Variants in PTPRT observed in about 807,000 individuals in gnomAD.
PTPRT encodes the protein receptor-type tyrosine-protein phosphatase T.
Under a neutral mutation model 176.8 loss-of-function variants are expected in PTPRT, and 56 were observed. That is an observed-to-expected ratio of 0.32 (90% CI 0.26 to 0.40). The LOEUF (loss-of-function observed/expected upper bound fraction) is 0.40, where lower values mean the gene tolerates loss of function less well. PTPRT is among the 10% of genes least tolerant of loss of function. The pLI is 1.00. For missense variants in PTPRT, 1,540 were observed against 1,908.2 expected (o/e 0.81, Z 3.60); for synonymous variants, 783 against 739.0 (o/e 1.06, Z -0.96).
chr20:43,172,202 T>G (rs2015018162), intron 1 of PTPRT, among the ~76,000 whole-genome samples: 1 of 152,176 alleles, frequency 6.6e-6, no homozygotes, highest in African/African-American at 2.4e-5. Flanking sequence ...TGTTTTCTGT[T>G]AAGATCCGGA....
Position 42,756,569 on chromosome 20 carries a change from G to A in PTPRT, c.752C>T (p.Thr251Ile). 6.2e-7 allele frequency: 1 copy of A among 1,612,886 alleles called. No homozygotes were observed. The highest frequency in any genetic ancestry group is 8.5e-7 in the Non-Finnish European group (1 of 1,179,172). The change falls in exon 6 of 31, where the codon ACA becomes ATA. Residue 251 changes from threonine to isoleucine, a missense_variant. This residue lies in a region of PTPRT where 273 missense variants were observed against 432.1 expected (regional missense o/e 0.63). Transcript: ENST00000373187. ...RVVNHRRFSA[T>I]VSVADTAQRS... ...CTGGGCAGTGTCTGCCACACTGACT[G>A]TGGCTGAGAAGCGCCTGTGGTTGAC...
At chr20:42,767,698 AT>A (rs2077001771) in intron 5 of PTPRT, among the ~76,000 whole-genome samples, 1 of 146,638 alleles carries the variant, frequency 6.8e-6, no homozygotes, top group Non-Finnish European at 1.5e-5. Context: ...TATTTAATAA[AT>A]TTTTATAATA....
chr20:42,674,437 G>C (rs1165607631), intron 7 of PTPRT, among the ~76,000 whole-genome samples: 1 of 152,116 alleles, frequency 6.6e-6, no homozygotes, highest in Admixed American at 6.5e-5. Flanking sequence ...ATCATCTTGC[G>C]ATTGAATTTC....
At chr20:43,145,594 C>T (rs2014145794) in intron 1 of PTPRT, among the ~76,000 whole-genome samples, 1 of 152,156 alleles carries the variant, frequency 6.6e-6, no homozygotes, top group Non-Finnish European at 1.5e-5. Flanking sequence ...AGAAGGAAAG[C>T]CCATTTTCAG....
intron 2 of PTPRT, among the ~76,000 whole-genome samples, chr20:42,847,377 C>T (rs2145746983): frequency 6.6e-6 from 1 of 152,236 alleles, no homozygotes; most frequent in South Asian, 2.1e-4. Flanking sequence ...TTACTCCCCG[C>T]CCCCCTCTGA....
chr20:42,785,189 AG>A, intron 3 of PTPRT, among the ~76,000 whole-genome samples: 1 of 152,232 alleles, frequency 6.6e-6, no homozygotes, highest in Non-Finnish European at 1.5e-5. Flanking sequence ...TCCCAAGAAA[AG>A]GCACATGTCG....
Position 42,483,279 on chromosome 20 carries a change from C to T in PTPRT, c.1154-10717G>A, listed in dbSNP as rs563512632. Among the ~76,000 whole-genome samples the T allele has an allele frequency of 3.8e-3, 575 of 152,304 alleles. 1 individual carries two copies. The highest frequency in any genetic ancestry group is 6.2e-3 in the Non-Finnish European group (424 of 68,022). ...TTCCCAGGTTCAAGGGATTCGCCTG[C>T]CTCTGCCTCCCAAATAGCTGGGATT... On this transcript the variant is annotated intron_variant, in intron 7 of 30. Transcript: ENST00000373187.
chr20:42,168,279 T>C lies in PTPRT; in HGVS notation c.2492-6737A>G, dbSNP rs556219361. On this transcript the variant is annotated intron_variant, in intron 16 of 30. Transcript: ENST00000373187. ...AGCTGTGCAGTTCAAACCCATGTTG[T>C]TCAAGGGTAACCATACTTTGAGCCT... is the stretch of plus-strand genomic sequence containing the variant. Among the ~76,000 whole-genome samples the C allele has an allele frequency of 2.6e-5, 4 of 152,274 alleles. No individual in the cohort carries two copies. In the South Asian group the frequency reaches 8.3e-4, roughly 32 times the overall value.
chr20:42,771,327 C>T (rs2077059263), intron 5 of PTPRT, 108 bp downstream of exon 5: 1 of 960,336 alleles, frequency 1.0e-6, no homozygotes. Context: ...TCCCCCTCTG[C>T]ATGTCTTTGT....
chr20:43,006,690 A>G (rs1205659495), intron 1 of PTPRT, among the ~76,000 whole-genome samples: 1 of 152,216 alleles, frequency 6.6e-6, no homozygotes, highest in Non-Finnish European at 1.5e-5. Flanking sequence ...AAGTGAAATC[A>G]TCTGTTTACA....
At chr20:42,445,758 C>T (rs1044684078) in intron 9 of PTPRT, among the ~76,000 whole-genome samples, 1 of 152,188 alleles carries the variant, frequency 6.6e-6, no homozygotes, top group Non-Finnish European at 1.5e-5. Flanking sequence ...CCATAGAATC[C>T]ATGGGAATGC....
At chr20:42,610,149 A>G (rs905030661) in intron 7 of PTPRT, among the ~76,000 whole-genome samples, 4 of 152,186 alleles carry the variant, frequency 2.6e-5, no homozygotes, top group Non-Finnish European at 5.9e-5. Flanking sequence ...CAACATAGAC[A>G]CTTTCACGTG....
intron 1 of PTPRT, among the ~76,000 whole-genome samples, chr20:43,084,108 C>T (rs1031398524): frequency 6.6e-6 from 1 of 152,168 alleles, no homozygotes; most frequent in Non-Finnish European, 1.5e-5. Flanking sequence ...GTTTTCATTA[C>T]TCTTGGGTAG....
chr20:42,576,819 T>A (rs1410361012), intron 7 of PTPRT, among the ~76,000 whole-genome samples: 1 of 152,234 alleles, frequency 6.6e-6, no homozygotes, highest in Non-Finnish European at 1.5e-5. Context: ...TTTCTTCACT[T>A]ATTTATTCAT....
At chr20:42,213,732 C>T (rs932585560) in intron 15 of PTPRT, among the ~76,000 whole-genome samples, 12 of 151,982 alleles carry the variant, frequency 7.9e-5, no homozygotes, top group Admixed American at 3.3e-4. Flanking sequence ...CCAAGGAGCA[C>T]GGAGGACTGG....
At chr20:43,024,408 G>A (rs1307519729) in intron 1 of PTPRT, among the ~76,000 whole-genome samples, 1 of 151,976 alleles carries the variant, frequency 6.6e-6, no homozygotes, top group Non-Finnish European at 1.5e-5. Context: ...GGCCAGCATG[G>A]TGAAACCCTG....
At chr20:42,281,270 C>A (rs1055427536) in intron 13 of PTPRT, among the ~76,000 whole-genome samples, 2 of 152,142 alleles carry the variant, frequency 1.3e-5, no homozygotes, top group African/African-American at 4.8e-5. Flanking sequence ...TTATCTCTTT[C>A]CATCCAGGAG....
intron 4 of PTPRT, among the ~76,000 whole-genome samples, chr20:42,777,300 T>G (rs1287344300): frequency 6.6e-6 from 1 of 152,176 alleles, no homozygotes; most frequent in Non-Finnish European, 1.5e-5. Context: ...GTGCCCTGTA[T>G]GCTCAGGACA....
At position 42,073,488 on chromosome 20, in the gene PTPRT, G is replaced by A. The variant is rs1416626172; in HGVS notation, c.*7391C>T. 9.7e-6 allele frequency: 2 copies of A among 205,592 alleles called. No individual in the cohort carries two copies. Among genetic ancestry groups the A allele is most frequent in the African/African-American group, 4.6e-5 (2 of 43,758 alleles). 12.7% of individuals were successfully genotyped at this position (205,592 alleles called of 1,614,324 possible). On this transcript the variant is annotated 3_prime_UTR_variant, in exon 31 of 31. Coordinates refer to ENST00000373187, the MANE Select transcript of PTPRT (RefSeq NM_007050.6). ...GGTAGAAATAACCTCTGGAGATAAT[G>A]TGTATGGTAAGAAAAGCCCTGCTCT...
Sources: gnomAD v4.1 joint callset for allele counts (sites outside exome capture counted in the v4.1 genomes callset) on GRCh38, gnomAD v4.1.1 for gene constraint, gnomAD v4.1.1 regional missense constraint, MANE v1.5 for transcripts, NCBI Gene and HGNC (gene_info 2026-07-23, HGNC 2026-07-21) for gene names.